Variants in CDC5L observed in about 807,000 individuals in gnomAD.
CDC5L encodes cell division cycle 5-like protein.
In CDC5L, 18 loss-of-function variants were observed where a neutral mutation model predicts 104.1. That is an observed-to-expected ratio of 0.17 (90% CI 0.12 to 0.26). The LOEUF (loss-of-function observed/expected upper bound fraction) is 0.26, where lower values mean the gene tolerates loss of function less well. Among genes scored for constraint, CDC5L ranks in the 10% least tolerant of loss-of-function variants. The pLI is 1.00. For missense variants in CDC5L, 673 were observed against 956.9 expected, an observed-to-expected ratio of 0.70 and a Z score of 3.91; for synonymous variants, 331 against 322.7, an observed-to-expected ratio of 1.03 and a Z score of -0.28.
intron 14 of CDC5L, among the ~76,000 whole-genome samples, chr6:44,441,929 G>GTTTTTT (rs1185055855): frequency 1.4e-4 from 15 of 110,650 alleles, no homozygotes; most frequent in Middle Eastern, 5.4e-3. Context: ...GTAAGGTCTT[G>GTTTTTT]TTCTTTTTTT....
rs79995388 is a variant in CDC5L, at chr6:44,438,207, C to G, written c.2092-7448C>G. Among the ~76,000 whole-genome samples, 1,335 of 152,296 alleles carry G rather than the reference C, an allele frequency of 8.8e-3. 58 individuals are homozygous for G. In the East Asian group the frequency reaches 0.12, roughly 14 times the overall value. Reference sequence around the variant, plus strand: ...AAGCGATCCACCTGCCTTGGCCTCCCAAAGTGCTAGGATTACAGGTGTGAA... The same window carrying G: ...AAGCGATCCACCTGCCTTGGCCTCCGAAAGTGCTAGGATTACAGGTGTGAA... On this transcript the variant is annotated intron_variant, in intron 14 of 15. Coordinates refer to ENST00000371477, the MANE Select transcript of CDC5L (RefSeq NM_001253.4).
At chr6:44,397,135 A>T (rs1399394502) in intron 5 of CDC5L, among the ~76,000 whole-genome samples, 3 of 152,222 alleles carry the variant, frequency 2.0e-5, no homozygotes, top group African/African-American at 7.2e-5. Context: ...TGTGGCTGAA[A>T]GTCCCAAGCC....
chr6:44,398,282 G>GA (rs537884166), intron 5 of CDC5L, among the ~76,000 whole-genome samples: 2 of 151,854 alleles, frequency 1.3e-5, no homozygotes, highest in African/African-American at 2.4e-5. Flanking sequence ...GAGTAAGGTT[G>GA]AAAAAAAATC....
chr6:44,443,236 G>A (rs1468704648), intron 14 of CDC5L, among the ~76,000 whole-genome samples: 3 of 151,162 alleles, frequency 2.0e-5, no homozygotes, highest in Non-Finnish European at 2.9e-5. Flanking sequence ...TAGTCTTATG[G>A]AGGTTCCTTT....
At chr6:44,414,856 C>T (rs1482358623) in intron 8 of CDC5L, among the ~76,000 whole-genome samples, 1 of 152,104 alleles carries the variant, frequency 6.6e-6, no homozygotes, top group Non-Finnish European at 1.5e-5. Context: ...TTCTTTCCAA[C>T]CCTGGGTCAT....
In CDC5L at chr6:44,403,905, C is replaced by T. The variant is rs757909685; in HGVS notation, c.636C>T (p.Ala212=). Residue 212 remains alanine (A), a synonymous_variant, in exon 6 of 16, where the codon GCC becomes GCT. Coordinates refer to ENST00000371477, the MANE Select transcript of CDC5L (RefSeq NM_001253.4). The part of the protein sequence containing the change: ...RKRKRGVDYN[A]EIPFEKKPAL... ...GGAAGAGAGGAGTTGATTATAATGC[C>T]GAAATCCCATTTGAAAAAAAGCCTG... 440 of 1,612,828 alleles carry T rather than the reference C, an allele frequency of 2.7e-4. 1 individual carries two copies. The highest frequency in any genetic ancestry group is 3.4e-4 in the Non-Finnish European group (406 of 1,179,344).
chr6:44,413,081 C>T (rs1791730605), intron 8 of CDC5L, among the ~76,000 whole-genome samples: 1 of 152,286 alleles, frequency 6.6e-6, no homozygotes, highest in Admixed American at 6.5e-5. Context: ...CGCGCCCGGC[C>T]CAATTTTAGA....
At chr6:44,407,205 A>G (rs1470135398) in intron 7 of CDC5L, among the ~76,000 whole-genome samples, 5 of 152,182 alleles carry the variant, frequency 3.3e-5, no homozygotes, top group Admixed American at 2.6e-4. Context: ...TTGAGACAAC[A>G]GTTGTGAAAG....
Position 44,393,456 on chromosome 6 carries a change from G to A in CDC5L, c.322G>A (p.Ala108Thr). ...EHYEFLLDKA[A>T]QRDNEEETTD... ...TGGGCTTTTTTCTAGGGATAAAGCT[G>A]CCCAAAGAGACAATGAAGAGGAAAC... is the stretch of plus-strand genomic sequence containing the variant. Residue 108 changes from alanine to threonine, a missense_variant, in exon 4 of 16, where the codon GCC (alanine) becomes ACC (threonine). Around this residue, in one of 4 missense-constraint regions of CDC5L, gnomAD observed 74 missense variants for 123.5 expected, o/e 0.60. Coordinates refer to ENST00000371477, the MANE Select transcript of CDC5L (RefSeq NM_001253.4). The A allele has an allele frequency of 6.2e-7, 1 of 1,613,570 alleles. No homozygotes were observed. Among genetic ancestry groups the A allele is most frequent in the Non-Finnish European group, 8.5e-7 (1 of 1,179,730 alleles).
At chr6:44,416,198 C>T (rs1189201287) in intron 8 of CDC5L, among the ~76,000 whole-genome samples, 1 of 152,050 alleles carries the variant, frequency 6.6e-6, no homozygotes, top group Non-Finnish European at 1.5e-5. Context: ...AGGAATTAGT[C>T]CCATATACAG....
intron 14 of CDC5L, among the ~76,000 whole-genome samples, chr6:44,444,551 G>GCT (rs1793359039): frequency 6.6e-6 from 1 of 152,130 alleles, no homozygotes; most frequent in African/African-American, 2.4e-5. Flanking sequence ...TCCCCCATTA[G>GCT]CTCTCTGATG....
chr6:44,437,822 G>A (rs973978410), intron 14 of CDC5L, among the ~76,000 whole-genome samples: 14 of 152,254 alleles, frequency 9.2e-5, no homozygotes, highest in Admixed American at 5.2e-4. Flanking sequence ...ATGTTAATTC[G>A]TATGATTAAT....
chr6:44,392,655 T>G lies in CDC5L; in HGVS notation c.150-12T>G, dbSNP rs374507191. 3.6e-4 allele frequency: 576 copies of G among 1,610,080 alleles called. No individual in the cohort carries two copies. Among genetic ancestry groups the G allele is most frequent in the Middle Eastern group, 5.0e-4 (3 of 6,048 alleles). ...TAACTGATTAATATATAAAATGATC[T>G]ATGTTTAATAGGTATGAATGGCTGG... On this transcript the variant is annotated splice_polypyrimidine_tract_variant and intron_variant, in intron 2 of 15. Coordinates refer to ENST00000371477, the MANE Select transcript of CDC5L (RefSeq NM_001253.4).
rs773228211 is a variant in CDC5L, at chr6:44,426,642, G to C, written c.1811G>C (p.Gly604Ala). 6.2e-7 allele frequency: 1 copy of C among 1,613,218 alleles called. No homozygotes were observed. Among genetic ancestry groups the C allele is most frequent in the South Asian group, 1.1e-5 (1 of 91,058 alleles). The change falls in exon 13 of 16, where the codon GGG (glycine) becomes GCG (alanine). Residue 604 changes from glycine (G) to alanine (A), a missense_variant. Coordinates refer to ENST00000371477, the MANE Select transcript of CDC5L (RefSeq NM_001253.4). ...GGAAATAAAAAAGGCAAAACTGTAG[G>C]GTTTGGTACCAATAATTCAGAGCAC... ...PSGNKKGKTV[G>A]FGTNNSEHIT...
In CDC5L at chr6:44,440,127, A is replaced by G. The variant is rs2754769; in HGVS notation, c.2092-5528A>G. On this transcript the variant is annotated intron_variant, in intron 14 of 15. Coordinates refer to ENST00000371477, the MANE Select transcript of CDC5L (RefSeq NM_001253.4). ...CTTTTATAAAAATCTGAAGAAATGAATGGTTTTAAAGGAGCTTCTTCATTT... is the reference window on the plus strand; with the variant it reads ...CTTTTATAAAAATCTGAAGAAATGAGTGGTTTTAAAGGAGCTTCTTCATTT... Among the ~76,000 whole-genome samples the G allele has an allele frequency of 7.3e-3, 1,118 of 152,160 alleles. 13 individuals are homozygous for G. Among genetic ancestry groups the G allele is most frequent in the African/African-American group, 0.025 (1,040 of 41,428 alleles).
chr6:44,412,191 T>C (rs1791673421), intron 8 of CDC5L, among the ~76,000 whole-genome samples: 1 of 152,226 alleles, frequency 6.6e-6, no homozygotes, highest in South Asian at 2.1e-4. Context: ...TGTGCAGCAC[T>C]TATCCAGCCC....
intron 9 of CDC5L, among the ~76,000 whole-genome samples, chr6:44,421,414 G>A (rs1385611503): frequency 6.6e-6 from 1 of 152,210 alleles, no homozygotes; most frequent in African/African-American, 2.4e-5. Context: ...TGAATTTTAA[G>A]TGTTAAGATA....
chr6:44,408,572 C>T lies in CDC5L; in HGVS notation c.1032C>T (p.Thr344=), dbSNP rs200986556. Residue 344 remains threonine (T), a synonymous_variant, in exon 8 of 16, where the codon ACC becomes ACT. Transcript: ENST00000371477. ...CACTTTTGTCTGAGTACAATGTCAC[C>T]AACAACAGCGTTGCTCTTAGAACAC... ...SSTLLSEYNV[T]NNSVALRTPR... 2.1e-5 allele frequency: 34 copies of T among 1,613,508 alleles called. No individual in the cohort carries two copies. The highest frequency in any genetic ancestry group is 2.6e-5 in the Non-Finnish European group (31 of 1,179,656).
In CDC5L at chr6:44,448,058, C is replaced by T. The variant is rs750128935; in HGVS notation, c.*1347C>T. 2.0e-5 allele frequency: 3 copies of T among 152,148 alleles called. No individual in the cohort carries two copies. The highest frequency in any genetic ancestry group is 4.8e-5 in the African/African-American group (2 of 41,426). 9.4% of individuals were successfully genotyped at this position (152,148 alleles called of 1,614,324 possible). On this transcript the variant is annotated 3_prime_UTR_variant, in exon 16 of 16. Transcript: ENST00000371477. The stretch of plus-strand genomic sequence containing the variant: ...CACTATACCACTGCACTGTGCCGCA[C>T]CGTACCACTATAAGCTGCACGGCCA...
Sources: gnomAD v4.1 joint callset for allele counts (sites outside exome capture counted in the v4.1 genomes callset) on GRCh38, gnomAD v4.1.1 for gene constraint, gnomAD v4.1.1 regional missense constraint, MANE v1.5 for transcripts, NCBI Gene and HGNC (gene_info 2026-07-23, HGNC 2026-07-21) for gene names.